FSTL5: variants seen among roughly 807,000 people sequenced by gnomAD.
FSTL5 encodes follistatin like 5, also known as follistatin-related protein 5.
Under a neutral mutation model 89.1 loss-of-function variants are expected in FSTL5, and 62 were observed. That is an observed-to-expected ratio of 0.70 (90% CI 0.57 to 0.86). FSTL5 has a LOEUF of 0.86. FSTL5 is among the 40% of genes least tolerant of loss of function. The probability of loss-of-function intolerance (pLI) is 0.00; values close to 1 mark genes in which losing one functional copy is unlikely to be tolerated. For missense variants in FSTL5, 1,057 were observed against 1,001.6 expected (o/e 1.06, Z -0.75); for synonymous variants, 383 against 346.2 (o/e 1.11, Z -1.18).
chr4:161,573,709 G>C (rs533716032), intron 8 of FSTL5, among the ~76,000 whole-genome samples: 2 of 123,514 alleles, frequency 1.6e-5, no homozygotes, highest in African/African-American at 6.2e-5. Context: ...CTCCAGCCTG[G>C]GCAACAAGAG....
chr4:161,841,312 A>G (rs1731205613), intron 4 of FSTL5, among the ~76,000 whole-genome samples: 10 of 152,226 alleles, frequency 6.6e-5, no homozygotes. Flanking sequence ...GCAATTTCTT[A>G]GCCATGTCTC....
In FSTL5 at chr4:162,149,542, A is replaced by C. The variant is rs982098305; in HGVS notation, c.-17+14073T>G. ...TGTGGTTCCAGCTACTTGAAGGGCTAATGTGCATCATCCCCCACAAAGATC... is the reference window on the plus strand; with the variant it reads ...TGTGGTTCCAGCTACTTGAAGGGCTCATGTGCATCATCCCCCACAAAGATC... On this transcript the variant is annotated intron_variant, in intron 1 of 15. Transcript: ENST00000306100. Among the ~76,000 whole-genome samples, 9 of 152,012 alleles carry C rather than the reference A, an allele frequency of 5.9e-5. No homozygotes were observed. The East Asian group carries it at 1.7e-3, about 29-fold the overall frequency.
At chr4:161,725,344 T>A (rs988513948) in intron 6 of FSTL5, among the ~76,000 whole-genome samples, 3 of 152,176 alleles carry the variant, frequency 2.0e-5, no homozygotes, top group Admixed American at 2.0e-4. Context: ...TTGTACAATG[T>A]GCATATCGTT....
chr4:161,665,264 CAG>C (rs527410949), intron 6 of FSTL5, among the ~76,000 whole-genome samples: 227 of 152,140 alleles, frequency 1.5e-3, no homozygotes, highest in African/African-American at 5.2e-3. Context: ...TATTTTGAGA[CAG>C]AGTCTCACTC....
At chr4:161,637,966 T>C (rs1396722308) in intron 7 of FSTL5, among the ~76,000 whole-genome samples, 2 of 151,390 alleles carry the variant, frequency 1.3e-5, no homozygotes, top group Non-Finnish European at 2.9e-5. Context: ...TGGTTCCATA[T>C]GAACTTTAAA....
intron 7 of FSTL5, among the ~76,000 whole-genome samples, chr4:161,609,299 CA>C (rs1331862657): frequency 6.6e-6 from 1 of 152,024 alleles, no homozygotes; most frequent in Non-Finnish European, 1.5e-5. Context: ...ATGCTGAAAA[CA>C]AGCCTATTTT....
rs550221500 is a variant in FSTL5 at position 161,775,805 on chromosome 4, T to C, written c.606+73A>G. On this transcript the variant is annotated intron_variant, in intron 5 of 15. Transcript: ENST00000306100. Reference sequence around the variant, plus strand: ...AAATATACATTTTTTCATTATAGAGTAAATTTAGAAAAAGTAAATATATTG... The same window carrying C: ...AAATATACATTTTTTCATTATAGAGCAAATTTAGAAAAAGTAAATATATTG... 137 of 766,468 alleles carry C rather than the reference T, an allele frequency of 1.8e-4. No homozygotes were observed. The African/African-American group carries it at 2.4e-3, about 13-fold the overall frequency. The allele number at this position is 766,468 out of a possible 1,614,324, so 47.5% of individuals were successfully genotyped here. A position where few individuals can be genotyped will look rare whatever the true frequency, so the allele number is the denominator to read the frequency against.
At position 161,925,196 on chromosome 4, in the gene FSTL5, C is replaced by T. The variant is rs189944138; in HGVS notation, c.161-4544G>A. On this transcript the variant is annotated intron_variant, in intron 3 of 15. Transcript: ENST00000306100. Reference sequence around the variant, plus strand: ...ATGGTGAGTATATTTAGTAAGTTTTCTCTATAATATCTATTATTTATAGTT... The same window carrying T: ...ATGGTGAGTATATTTAGTAAGTTTTTTCTATAATATCTATTATTTATAGTT... Among the ~76,000 whole-genome samples the T allele has an allele frequency of 3.5e-4, 53 of 152,006 alleles. 1 individual carries two copies. The highest frequency in any genetic ancestry group is 1.1e-3 in the African/African-American group (46 of 41,512).
chr4:161,931,093 T>G (rs1055754769), intron 3 of FSTL5, among the ~76,000 whole-genome samples: 3 of 151,912 alleles, frequency 2.0e-5, no homozygotes, highest in South Asian at 4.1e-4. Context: ...AAAGGATATT[T>G]TAAGCAAAGG....
At chr4:162,102,660 T>C (rs1231866455) in intron 2 of FSTL5, among the ~76,000 whole-genome samples, 3 of 138,552 alleles carry the variant, frequency 2.2e-5, no homozygotes, top group African/African-American at 7.5e-5. Context: ...TATATATACA[T>C]ATATAAAAAT....
intron 4 of FSTL5, among the ~76,000 whole-genome samples, chr4:161,783,997 G>T (rs896932716): frequency 6.6e-6 from 1 of 150,740 alleles, no homozygotes; most frequent in Non-Finnish European, 1.5e-5. Context: ...GTGCGGTGGC[G>T]TGATCTCGGC....
chr4:161,438,625 A>G (rs1486143259), intron 15 of FSTL5, among the ~76,000 whole-genome samples: 1 of 152,208 alleles, frequency 6.6e-6, no homozygotes, highest in South Asian at 2.1e-4. Flanking sequence ...TTTCAGTTCT[A>G]TAATTCATAA....
rs1050294275 is a variant in FSTL5, at chr4:161,792,787, C to T, written c.410-16713G>A. 3.3e-5 allele frequency among the ~76,000 whole-genome samples: 5 copies of T among 152,296 alleles called. 1 individual carries two copies. In the South Asian group the frequency reaches 1.0e-3, roughly 32 times the overall value. On this transcript the variant is annotated intron_variant, in intron 4 of 15. Coordinates refer to ENST00000306100, the MANE Select transcript of FSTL5 (RefSeq NM_020116.5). Reference sequence around the variant, plus strand: ...GTGAAACTCCTCTCTGCCTTGCTTACCCTCCAGTTGTCCATGTACCTTATT... The same window carrying T: ...GTGAAACTCCTCTCTGCCTTGCTTATCCTCCAGTTGTCCATGTACCTTATT...
At chr4:161,872,577 C>T (rs888033643) in intron 4 of FSTL5, among the ~76,000 whole-genome samples, 6 of 152,130 alleles carry the variant, frequency 3.9e-5, no homozygotes, top group African/African-American at 1.2e-4. Flanking sequence ...ACATTTACTA[C>T]ACGCCAGGCA....
intron 2 of FSTL5, among the ~76,000 whole-genome samples, chr4:162,099,494 T>C (rs79894265): frequency 0.14 from 21,483 of 152,162 alleles, 1,996 homozygotes; most frequent in Non-Finnish European, 0.19. Context: ...GGAGCAAATC[T>C]AGATAACCTC....
At chr4:161,464,616 T>C (rs1270133131) in intron 13 of FSTL5, among the ~76,000 whole-genome samples, 1 of 152,190 alleles carries the variant, frequency 6.6e-6, no homozygotes, top group East Asian at 1.9e-4. Flanking sequence ...TTAAGCTTTT[T>C]GTGTTTGTTT....
chr4:161,783,134 C>A (rs985904967), intron 4 of FSTL5, among the ~76,000 whole-genome samples: 1 of 151,968 alleles, frequency 6.6e-6, no homozygotes, highest in Non-Finnish European at 1.5e-5. Context: ...GTGTAGCAAC[C>A]TAAATAAAAA....
chr4:161,473,094 A>C (rs1212659375), intron 13 of FSTL5, among the ~76,000 whole-genome samples: 1 of 152,178 alleles, frequency 6.6e-6, no homozygotes, highest in Non-Finnish European at 1.5e-5. Flanking sequence ...AAAATGTTCC[A>C]TGAGCTCTTG....
At chr4:161,548,524 T>G (rs954357498) in intron 8 of FSTL5, among the ~76,000 whole-genome samples, 4 of 151,882 alleles carry the variant, frequency 2.6e-5, no homozygotes, top group African/African-American at 4.8e-5. Context: ...TTTCAGTATA[T>G]GCACCATGCT....
Sources: allele counts gnomAD v4.1 joint callset (sites outside exome capture counted in the v4.1 genomes callset), GRCh38; gene constraint gnomAD v4.1.1; transcripts MANE v1.5; gene names NCBI Gene and HGNC (gene_info 2026-07-23, HGNC 2026-07-21).